PROS1: variants seen among roughly 807,000 people sequenced by gnomAD.
The protein encoded by PROS1 is protein S, also known as vitamin K-dependent protein S.
Under a neutral mutation model 75.9 loss-of-function variants are expected in PROS1, and 29 were observed. The ratio of observed to expected loss-of-function variants is 0.38; its 90% CI spans 0.28 to 0.52. The LOEUF (loss-of-function observed/expected upper bound fraction) is 0.52. PROS1 is among the 20% of genes least tolerant of loss of function. The pLI, the probability that PROS1 is intolerant of heterozygous loss-of-function variation, is 0.83. For missense variants in PROS1, 680 were observed against 810.3 expected, an observed-to-expected ratio of 0.84 and a Z score of 1.95; for synonymous variants, 245 against 280.6, an observed-to-expected ratio of 0.87 and a Z score of 1.27.
At chr3:93,953,920 C>T (rs939326032) in intron 1 of PROS1, among the ~76,000 whole-genome samples, 2 of 152,058 alleles carry the variant, frequency 1.3e-5, no homozygotes, top group Non-Finnish European at 2.9e-5. Context: ...ACAAGCATTT[C>T]TATATACCAA....
At chr3:93,884,176 A>G (rs1162062134) in intron 12 of PROS1, among the ~76,000 whole-genome samples, 3 of 152,220 alleles carry the variant, frequency 2.0e-5, no homozygotes, top group Non-Finnish European at 4.4e-5. Context: ...TACATGGTAC[A>G]CAAAGATGCA....
chr3:93,923,815 T>A (rs1296131557), intron 3 of PROS1, among the ~76,000 whole-genome samples: 1 of 151,222 alleles, frequency 6.6e-6, no homozygotes, highest in East Asian at 2.0e-4. Context: ...CACTTGAGAA[T>A]CACTTGAACC....
At chr3:93,949,549 C>T (rs550875499) in intron 1 of PROS1, among the ~76,000 whole-genome samples, 44 of 151,940 alleles carry the variant, frequency 2.9e-4, no homozygotes, top group African/African-American at 1.1e-3. Flanking sequence ...AAAGATGCCA[C>T]TTACATGAAA....
At chr3:93,945,657 T>G (rs941032845) in intron 1 of PROS1, among the ~76,000 whole-genome samples, 1 of 152,160 alleles carries the variant, frequency 6.6e-6, no homozygotes, top group African/African-American at 2.4e-5. Context: ...ATGGGACGTA[T>G]CTCAAAATAA....
intron 6 of PROS1, among the ~76,000 whole-genome samples, chr3:93,903,627 G>A (rs1310587202): frequency 6.6e-6 from 1 of 152,066 alleles, no homozygotes; most frequent in Non-Finnish European, 1.5e-5. Context: ...TCGTTCCACT[G>A]CACTCCAGCC....
intron 12 of PROS1, among the ~76,000 whole-genome samples, chr3:93,880,334 G>GA (rs925292087): frequency 1.1e-4 from 16 of 150,082 alleles, no homozygotes; most frequent in African/African-American, 2.4e-4. Flanking sequence ...CATCTCTACT[G>GA]AAAAAAAAAT....
chr3:93,919,626 A>G (rs1708916100), intron 3 of PROS1, among the ~76,000 whole-genome samples: 1 of 152,084 alleles, frequency 6.6e-6, no homozygotes, highest in Non-Finnish European at 1.5e-5. Context: ...CCAATTTATT[A>G]TTTCACCTTA....
chr3:93,953,953 T>C (rs549055300), intron 1 of PROS1, among the ~76,000 whole-genome samples: 1 of 152,292 alleles, frequency 6.6e-6, no homozygotes, highest in Admixed American at 6.5e-5. Flanking sequence ...AGCCAAATCA[T>C]GAGTGAACTC....
chr3:93,882,113 A>AT (rs1333745510), intron 12 of PROS1, among the ~76,000 whole-genome samples: 5 of 152,160 alleles, frequency 3.3e-5, no homozygotes, highest in Admixed American at 1.3e-4. Context: ...ACAAAATTTA[A>AT]TTTTTGAACT....
intron 9 of PROS1, among the ~76,000 whole-genome samples, chr3:93,894,145 G>A (rs1708469955): frequency 6.6e-6 from 1 of 152,042 alleles, no homozygotes; most frequent in African/African-American, 2.4e-5. Flanking sequence ...GCTATATTAG[G>A]CAGGACAGAA....
intron 8 of PROS1, among the ~76,000 whole-genome samples, 182 bp from the exon 9 acceptor site, chr3:93,896,873 T>C (rs1011350424): frequency 1.3e-5 from 2 of 152,160 alleles, no homozygotes; most frequent in East Asian, 3.8e-4. Flanking sequence ...GTATAGTCTA[T>C]CTATCAGTAT....
intron 1 of PROS1, among the ~76,000 whole-genome samples, chr3:93,946,921 G>C (rs1279073212): frequency 6.6e-6 from 1 of 150,522 alleles, no homozygotes; most frequent in African/African-American, 2.4e-5. Context: ...CTACCCATCT[G>C]ACAAAGGGCT....
intron 14 of PROS1, among the ~76,000 whole-genome samples, chr3:93,876,363 C>T (rs1418053266): frequency 1.3e-5 from 2 of 151,988 alleles, no homozygotes; most frequent in South Asian, 2.1e-4. Context: ...CCGAGGCGAG[C>T]GGATCGCAAG....
intron 1 of PROS1, among the ~76,000 whole-genome samples, chr3:93,955,235 C>G (rs1260759233): frequency 6.6e-6 from 1 of 152,118 alleles, no homozygotes; most frequent in Non-Finnish European, 1.5e-5. Flanking sequence ...GGTATATACC[C>G]AAAGGATTAT....
At chr3:93,966,262 A>G (rs1709787757) in intron 1 of PROS1, among the ~76,000 whole-genome samples, 1 of 152,178 alleles carries the variant, frequency 6.6e-6, no homozygotes, top group Non-Finnish European at 1.5e-5. Context: ...ATGGTTGCAA[A>G]TGGTCTTTCC....
At chr3:93,951,631 C>A (rs1709497732) in intron 1 of PROS1, among the ~76,000 whole-genome samples, 1 of 152,188 alleles carries the variant, frequency 6.6e-6, no homozygotes, top group Non-Finnish European at 1.5e-5. Flanking sequence ...GTACCAGCCA[C>A]TGCAAAAACA....
intron 1 of PROS1, among the ~76,000 whole-genome samples, chr3:93,950,516 C>A (rs1285621615): frequency 6.6e-6 from 1 of 152,166 alleles, no homozygotes; most frequent in Non-Finnish European, 1.5e-5. Flanking sequence ...GCGACATTTG[C>A]CGTTCTGCAA....
intron 1 of PROS1, among the ~76,000 whole-genome samples, chr3:93,938,848 G>T (rs1228325824): frequency 1.3e-5 from 2 of 152,052 alleles, no homozygotes; most frequent in African/African-American, 4.8e-5. Flanking sequence ...GATCACCATG[G>T]GGATGCCTGC....
chr3:93,889,321 T>A (rs1005529950), intron 10 of PROS1, among the ~76,000 whole-genome samples: 4 of 152,194 alleles, frequency 2.6e-5, no homozygotes, highest in Non-Finnish European at 4.4e-5. Flanking sequence ...GACTTTTTTT[T>A]ATTTGCTGTT....
Sources: allele counts gnomAD v4.1 joint callset (sites outside exome capture counted in the v4.1 genomes callset), GRCh38; gene constraint gnomAD v4.1.1; transcripts MANE v1.5; gene names NCBI Gene and HGNC (gene_info 2026-07-23, HGNC 2026-07-21).